Variants in GRM5 observed in about 807,000 individuals in gnomAD.
GRM5 encodes metabotropic glutamate receptor 5.
A neutral mutation model predicts 83.1 loss-of-function variants in GRM5; 19 were observed. That is an observed-to-expected ratio of 0.23 (90% CI 0.16 to 0.34). The LOEUF is 0.34. Among genes scored for constraint, GRM5 ranks in the 10% least tolerant of loss-of-function variants. GRM5 has a pLI of 1.00. For synonymous variants in GRM5, 675 were observed against 633.6 expected, an observed-to-expected ratio of 1.07 and a Z score of -0.98; for missense variants, 1,160 against 1,588.3, an observed-to-expected ratio of 0.73 and a Z score of 4.58.
At chr11:88,687,579 A>ATATATTATACAT (rs1250226972) in intron 3 of GRM5, among the ~76,000 whole-genome samples, 1 of 46,880 alleles carries the variant, frequency 2.1e-5, no homozygotes, top group African/African-American at 2.0e-4. Flanking sequence ...ATATATATAT[A>ATATATTATACAT]ATATATATAT....
In GRM5 at chr11:88,659,969, G is replaced by A. The variant is rs144681649; in HGVS notation, c.912-6566C>T. On this transcript the variant is annotated intron_variant, in intron 3 of 9. Transcript: ENST00000305447. ...AAAAATACATGTAGCCCTGAAAATT[G>A]CATTGAGTGATCCTTTAGTAACAGT... Among the ~76,000 whole-genome samples, 1,179 of 152,228 alleles carry A rather than the reference G, an allele frequency of 7.7e-3. 3 individuals are homozygous for A. Among genetic ancestry groups the A allele is most frequent in the South Asian group, 0.013 (64 of 4,822 alleles).
chr11:88,699,219 G>A (rs1940971521), intron 3 of GRM5, among the ~76,000 whole-genome samples: 1 of 152,162 alleles, frequency 6.6e-6, no homozygotes, highest in African/African-American at 2.4e-5. Context: ...AGCTGTGAAA[G>A]TGACTTAGAC....
At chr11:88,795,561 A>G (rs1237641362) in intron 3 of GRM5, among the ~76,000 whole-genome samples, 1 of 152,244 alleles carries the variant, frequency 6.6e-6, no homozygotes, top group Non-Finnish European at 1.5e-5. Flanking sequence ...TACTGTTAAT[A>G]ATAACAATAA....
chr11:88,969,453 C>A (rs534557022), intron 2 of GRM5, among the ~76,000 whole-genome samples: 7 of 152,078 alleles, frequency 4.6e-5, no homozygotes, highest in Non-Finnish European at 8.8e-5. Context: ...AAAAGAACAT[C>A]TTTATGTCAG....
chr11:88,705,727 T>C (rs1223817555), intron 3 of GRM5, among the ~76,000 whole-genome samples: 1 of 151,858 alleles, frequency 6.6e-6, no homozygotes, highest in Non-Finnish European at 1.5e-5. Flanking sequence ...GAATGATTAA[T>C]CTCTAAAAAA....
chr11:88,729,859 C>T (rs569405418), intron 3 of GRM5, among the ~76,000 whole-genome samples: 3 of 152,288 alleles, frequency 2.0e-5, no homozygotes, highest in African/African-American at 7.2e-5. Flanking sequence ...CCCTTCCTTA[C>T]ACCTTATACA....
At chr11:88,519,131 G>C (rs1395386277) in intron 9 of GRM5, among the ~76,000 whole-genome samples, 1 of 151,420 alleles carries the variant, frequency 6.6e-6, no homozygotes, top group Non-Finnish European at 1.5e-5. Flanking sequence ...ATGGACATTA[G>C]AGTTGGGTTT....
At chr11:88,984,427 G>A (rs983587951) in intron 2 of GRM5, among the ~76,000 whole-genome samples, 1 of 152,196 alleles carries the variant, frequency 6.6e-6, no homozygotes, top group African/African-American at 2.4e-5. Context: ...CATAGCACAA[G>A]TGTAGCGTAG....
At chr11:88,999,798 T>G (rs1370053819) in intron 2 of GRM5, among the ~76,000 whole-genome samples, 1 of 152,224 alleles carries the variant, frequency 6.6e-6, no homozygotes, top group Admixed American at 6.5e-5. Flanking sequence ...TGTATGTTTA[T>G]TGTGGCACTA....
chr11:88,653,133 T>A (rs1939676316), intron 4 of GRM5, 35 bp downstream of exon 4: 3 of 1,273,320 alleles, frequency 2.4e-6, no homozygotes, highest in African/African-American at 1.5e-5. Context: ...AACCTTAGCC[T>A]TATGCATTTT....
At chr11:88,755,706 A>T (rs1385447177) in intron 3 of GRM5, among the ~76,000 whole-genome samples, 3 of 152,158 alleles carry the variant, frequency 2.0e-5, no homozygotes, top group Admixed American at 1.3e-4. Context: ...ATCTTTAAGT[A>T]GTTCTGATAT....
chr11:88,606,284 A>G (rs1215273240), intron 4 of GRM5, among the ~76,000 whole-genome samples: 1 of 152,198 alleles, frequency 6.6e-6, no homozygotes, highest in East Asian at 1.9e-4. Context: ...ACACTTTAGG[A>G]GGCTGAGGCG....
At chr11:89,059,909 C>A (rs1321977749) in intron 1 of GRM5, among the ~76,000 whole-genome samples, 3 of 152,008 alleles carry the variant, frequency 2.0e-5, no homozygotes, top group Non-Finnish European at 4.4e-5. Flanking sequence ...ATTTATTCAT[C>A]ATATTCACTC....
chr11:88,678,828 A>G (rs1940403448), intron 3 of GRM5, among the ~76,000 whole-genome samples: 1 of 152,116 alleles, frequency 6.6e-6, no homozygotes, highest in Non-Finnish European at 1.5e-5. Context: ...ATATGCCAGT[A>G]TTTATTAGCC....
chr11:89,031,226 T>A (rs889314124), intron 2 of GRM5, among the ~76,000 whole-genome samples: 5 of 151,994 alleles, frequency 3.3e-5, no homozygotes, highest in African/African-American at 1.2e-4. Flanking sequence ...AGTGTTTTTA[T>A]ACTAACTAAA....
At chr11:88,993,852 C>T (rs866173705) in intron 2 of GRM5, among the ~76,000 whole-genome samples, 3 of 152,112 alleles carry the variant, frequency 2.0e-5, no homozygotes, top group Middle Eastern at 6.8e-3. Context: ...CTCCTGAGTA[C>T]GTGGAATGAC....
chr11:88,788,452 G>C (rs1223777367), intron 3 of GRM5, among the ~76,000 whole-genome samples: 1 of 152,046 alleles, frequency 6.6e-6, no homozygotes, highest in Non-Finnish European at 1.5e-5. Flanking sequence ...ATGGTAGGAA[G>C]AATTTTTATG....
intron 2 of GRM5, among the ~76,000 whole-genome samples, chr11:89,010,071 A>T (rs2135088007): frequency 6.7e-6 from 1 of 149,496 alleles, no homozygotes; most frequent in East Asian, 1.9e-4. Flanking sequence ...GTATATTAAC[A>T]TATATATATG....
At chr11:88,948,113 G>A (rs1363867021) in intron 2 of GRM5, among the ~76,000 whole-genome samples, 1 of 152,038 alleles carries the variant, frequency 6.6e-6, no homozygotes, top group Non-Finnish European at 1.5e-5. Flanking sequence ...GAGAAGTCCC[G>A]ATTTTATCTG....
Sources: gnomAD v4.1 joint callset for allele counts (sites outside exome capture counted in the v4.1 genomes callset) on GRCh38, gnomAD v4.1.1 for gene constraint, MANE v1.5 for transcripts, NCBI Gene and HGNC (gene_info 2026-07-23, HGNC 2026-07-21) for gene names.